The following SKIC2 variants were observed in gnomAD, a reference collection of about 807,000 sequenced individuals.
The protein encoded by SKIC2 is superkiller complex protein 2.
At chr6:31,961,942 G>T in the SKIC2 span, 5 of 1,613,066 alleles carry the variant, frequency 3.1e-6, 1 homozygote, top group Admixed American at 8.3e-5. Context: ...TCAGAAACAG[G>T]CCATCCTGCA....
At chr6:31,969,516 CCTT>C in the SKIC2 span, 1 of 1,613,320 alleles carries the variant, frequency 6.2e-7, no homozygotes, top group Non-Finnish European at 8.5e-7. The surrounding 1 kb of genome is among the most constrained non-coding windows in gnomAD (Gnocchi z 6.1). Context: ...TCCCCACAGC[CCTT>C]CTCCGAGTTG....
At chr6:31,960,025 C>G in the SKIC2 span, 1 of 1,612,990 alleles carries the variant, frequency 6.2e-7, no homozygotes, top group Non-Finnish European at 8.5e-7. Flanking sequence ...CCATGGCCTC[C>G]CTCCTTGTGC....
At chr6:31,961,187 G>C in the SKIC2 span, 1 of 1,614,002 alleles carries the variant, frequency 6.2e-7, no homozygotes, top group South Asian at 1.1e-5. Flanking sequence ...TTGTTGGCTT[G>C]CTCCTCAGAT....
the SKIC2 span, chr6:31,959,859 T>C: frequency 1.6e-6 from 1 of 625,176 alleles, no homozygotes; most frequent in Non-Finnish European, 2.9e-6. Context: ...CCCAGGTAAT[T>C]CAGTAGCAGG....
At chr6:31,966,700 T>G in the SKIC2 span, 7 of 1,614,052 alleles carry the variant, frequency 4.3e-6, no homozygotes, top group Non-Finnish European at 5.9e-6. This position sits in a 1 kb window ranked among gnomAD's most constrained non-coding sequence, Gnocchi z 5.9. Context: ...TTCTGTGACC[T>G]GACTCCAGGG....
chr6:31,967,904 G>A, the SKIC2 span: 4 of 1,612,822 alleles, frequency 2.5e-6, no homozygotes. This position sits in a 1 kb window ranked among gnomAD's most constrained non-coding sequence, Gnocchi z 4.9. Context: ...AGCAGTATAA[G>A]CAGGATGCCT....
chr6:31,960,156 G>C, the SKIC2 span: 2 of 1,606,076 alleles, frequency 1.2e-6, no homozygotes, highest in Non-Finnish European at 1.7e-6. Context: ...AGGGTGATGG[G>C]TTCCTGAAGG....
the SKIC2 span, chr6:31,967,778 C>T: frequency 6.2e-7 from 1 of 1,613,050 alleles, no homozygotes; most frequent in Non-Finnish European, 8.5e-7. The surrounding 1 kb of genome is among the most constrained non-coding windows in gnomAD (Gnocchi z 4.9). Context: ...GCCCTTGTCC[C>T]AGGACCCACA....
the SKIC2 span, chr6:31,969,632 C>T: frequency 6.2e-7 from 1 of 1,612,208 alleles, no homozygotes; most frequent in Non-Finnish European, 8.5e-7. The surrounding 1 kb of genome is among the most constrained non-coding windows in gnomAD (Gnocchi z 6.1). Flanking sequence ...GGTAGGAGAG[C>T]CTGTGCTGGG....
At chr6:31,967,717 C>T in the SKIC2 span, 1 of 1,612,890 alleles carries the variant, frequency 6.2e-7, no homozygotes, top group Non-Finnish European at 8.5e-7. The surrounding 1 kb of genome is among the most constrained non-coding windows in gnomAD (Gnocchi z 4.9). Context: ...ACCCCCAGGT[C>T]TCCTCGAACT....
At chr6:31,961,743 T>A in the SKIC2 span, 1 of 1,576,414 alleles carries the variant, frequency 6.3e-7, no homozygotes, top group Non-Finnish European at 8.6e-7. Flanking sequence ...CGACCCCTTG[T>A]CTCCTCTATT....
the SKIC2 span, chr6:31,963,012 A>G: frequency 6.2e-7 from 1 of 1,612,584 alleles, no homozygotes; most frequent in Non-Finnish European, 8.5e-7. This position sits in a 1 kb window ranked among gnomAD's most constrained non-coding sequence, Gnocchi z 5.3. Context: ...GGAGGTGCTT[A>G]TCATGCTACC....
chr6:31,960,553 C>T, the SKIC2 span: 2 of 1,603,806 alleles, frequency 1.2e-6, no homozygotes, highest in South Asian at 1.1e-5. Context: ...CCAGGTGACT[C>T]TTGTGGAGAT....
At chr6:31,960,895 C>T in the SKIC2 span, 2 of 867,908 alleles carry the variant, frequency 2.3e-6, no homozygotes, top group South Asian at 1.5e-5. Flanking sequence ...CTACAACAAC[C>T]TTTACTGTCA....
chr6:31,959,734 T>C, the SKIC2 span: 7 of 541,562 alleles, frequency 1.3e-5, no homozygotes, highest in East Asian at 6.2e-5. Flanking sequence ...CTGGGACCCC[T>C]TTTTCTAAAA....
the SKIC2 span, chr6:31,962,590 G>C: frequency 6.2e-7 from 1 of 1,612,294 alleles, no homozygotes. This position sits in a 1 kb window ranked among gnomAD's most constrained non-coding sequence, Gnocchi z 5.0. Context: ...CCTTCGGTGA[G>C]AGATGGACAC....
At chr6:31,967,358 C>A in the SKIC2 span, 93 of 1,611,594 alleles carry the variant, frequency 5.8e-5, no homozygotes, top group African/African-American at 9.3e-4. This position sits in a 1 kb window ranked among gnomAD's most constrained non-coding sequence, Gnocchi z 4.9. Context: ...CATCACAACG[C>A]ATTGGGAGTG....
chr6:31,960,513 T>C, the SKIC2 span: 15 of 1,613,760 alleles, frequency 9.3e-6, no homozygotes, highest in African/African-American at 4.0e-5. Context: ...CCAGTCCTTA[T>C]GGGGAAATCC....
chr6:31,961,265 G>T, the SKIC2 span: 1 of 1,611,810 alleles, frequency 6.2e-7, no homozygotes, highest in Non-Finnish European at 8.5e-7. Context: ...TTGGGTGGGG[G>T]TGACGAGGAT....
Sources: allele counts gnomAD v4.1 joint callset, GRCh38; gene constraint gnomAD v4.1.1; non-coding constraint Gnocchi (gnomAD v3.1); transcripts MANE v1.5; gene names NCBI Gene and HGNC (gene_info 2026-07-23, HGNC 2026-07-21).